Variants in IFT80 observed in about 807,000 individuals in gnomAD.
The protein encoded by IFT80 is intraflagellar transport protein 80 homolog.
In IFT80, 79 loss-of-function variants were observed where a neutral mutation model predicts 107.9. That is an observed-to-expected ratio of 0.73 (90% CI 0.61 to 0.88). The LOEUF is 0.88. IFT80 is among the 40% of genes least tolerant of loss of function. IFT80 has a pLI of 0.00. For missense variants in IFT80, 797 were observed against 914.2 expected, an observed-to-expected ratio of 0.87 and a Z score of 1.65; for synonymous variants, 299 against 300.9, an observed-to-expected ratio of 0.99 and a Z score of 0.07.
rs886058125 is a variant in IFT80, at chr3:160,257,681, C to A, written c.*844G>T. On this transcript the variant is annotated 3_prime_UTR_variant, in exon 20 of 20. Transcript: ENST00000326448. The stretch of plus-strand genomic sequence containing the variant: ...CATTAACATTCAAAATGTTGAGCAA[C>A]CATCATCGCTATCCATTTCCAGAAT... 1.3e-5 allele frequency: 2 copies of A among 152,110 alleles called. No individual in the cohort carries two copies. Among genetic ancestry groups the A allele is most frequent in the Non-Finnish European group, 2.9e-5 (2 of 68,024 alleles). 9.4% of individuals were successfully genotyped at this position (152,110 alleles called of 1,614,324 possible).
intron 3 of IFT80, among the ~76,000 whole-genome samples, chr3:160,381,232 A>G (rs1259751433): frequency 2.4e-5 from 3 of 126,994 alleles, no homozygotes; most frequent in Non-Finnish European, 5.0e-5. Context: ...GTGAGACCCC[A>G]TCTCTAAATA....
At chr3:160,391,236 A>G (rs998673702) in intron 1 of IFT80, among the ~76,000 whole-genome samples, 2 of 151,938 alleles carry the variant, frequency 1.3e-5, no homozygotes, top group Non-Finnish European at 2.9e-5. Flanking sequence ...TCCCAAGAAC[A>G]CTCCTGGGCT....
intron 19 of IFT80, among the ~76,000 whole-genome samples, chr3:160,259,570 GACTGGGAAAC>G (rs1322776475): frequency 6.6e-6 from 1 of 152,198 alleles, no homozygotes; most frequent in African/African-American, 2.4e-5. Flanking sequence ...GGGAAAGCAA[GACTGGGAAAC>G]ACATGAAAAG....
intron 12 of IFT80, among the ~76,000 whole-genome samples, chr3:160,295,892 G>A (rs142429197): frequency 1.1e-4 from 16 of 152,302 alleles, no homozygotes; most frequent in Non-Finnish European, 2.2e-4. Context: ...TGAAAAGCTA[G>A]TCACAGAAGA....
chr3:160,380,760 T>C (rs748263620), intron 3 of IFT80, among the ~76,000 whole-genome samples: 1 of 152,168 alleles, frequency 6.6e-6, no homozygotes, highest in Non-Finnish European at 1.5e-5. Flanking sequence ...GGTCAAATTA[T>C]AAAACTCTTC....
chr3:160,262,424 A>T (rs1293409236), intron 19 of IFT80, among the ~76,000 whole-genome samples: 1 of 152,120 alleles, frequency 6.6e-6, no homozygotes, highest in African/African-American at 2.4e-5. Context: ...TGGCCCAAAC[A>T]TGGCTCACCG....
chr3:160,337,253 C>T (rs568307690), intron 8 of IFT80, among the ~76,000 whole-genome samples: 17 of 152,266 alleles, frequency 1.1e-4, no homozygotes, highest in African/African-American at 3.9e-4. Flanking sequence ...ATTCTCTAGT[C>T]GATTCCTCAA....
At chr3:160,310,148 C>G (rs1012106081) in intron 9 of IFT80, among the ~76,000 whole-genome samples, 1 of 152,126 alleles carries the variant, frequency 6.6e-6, no homozygotes, top group African/African-American at 2.4e-5. Context: ...CCAAAAGGAG[C>G]AAGGCCCTCA....
Position 160,312,749 on chromosome 3 carries a change from AAT to A in IFT80, c.958-4970_958-4969del, listed in dbSNP as rs1177860013. Among the ~76,000 whole-genome samples the A allele has an allele frequency of 3.8e-3, 162 of 43,062 alleles. 6 individuals carry two copies. Among genetic ancestry groups the A allele is most frequent in the African/African-American group, 0.015 (139 of 9,470 alleles). 28.3% of individuals were successfully genotyped at this position (43,062 alleles called of 152,430 possible). On this transcript the variant is annotated intron_variant, in intron 9 of 19. Coordinates refer to ENST00000326448, the MANE Select transcript of IFT80 (RefSeq NM_020800.3). ...AAATATATATTATATATAAATATAT[AAT>A]ATATATATAAATGTATATTATATAT...
At chr3:160,339,614 T>C (rs1160161056) in intron 8 of IFT80, among the ~76,000 whole-genome samples, 1 of 152,128 alleles carries the variant, frequency 6.6e-6, no homozygotes, top group African/African-American at 2.4e-5. Flanking sequence ...GGCTACAGAA[T>C]ATGAAAAAGT....
In IFT80 at chr3:160,258,544, C is replaced by T. The variant is rs753432406; in HGVS notation, c.2315G>A (p.Ser772Asn). The change falls in exon 20 of 20, where the codon AGT becomes AAT. Residue 772 changes from serine to asparagine, a missense_variant. Transcript: ENST00000326448. ...EQSSSSQSSK[S>N]IGLKP ...TGGCATTTAGGGCTTTAAACCTATACTCTTGCTGGATTGGCTGCTTGATGA... is the reference window on the plus strand; with the variant it reads ...TGGCATTTAGGGCTTTAAACCTATATTCTTGCTGGATTGGCTGCTTGATGA... 4.3e-6 allele frequency: 7 copies of T among 1,613,674 alleles called. No homozygotes were observed. The highest frequency in any genetic ancestry group is 5.9e-6 in the Non-Finnish European group (7 of 1,179,950).
At chr3:160,387,170 G>A (rs897245129) in intron 1 of IFT80, among the ~76,000 whole-genome samples, 1 of 152,348 alleles carries the variant, frequency 6.6e-6, no homozygotes, top group South Asian at 2.1e-4. Context: ...AATATATTTT[G>A]AGGAAAGATT....
chr3:160,278,743 A>G (rs994763724), intron 16 of IFT80, among the ~76,000 whole-genome samples: 4 of 152,226 alleles, frequency 2.6e-5, no homozygotes, highest in Admixed American at 2.6e-4. Context: ...ACTGATGTTC[A>G]ATAAAAAAGG....
At chr3:160,293,611 G>A (rs1464196016) in intron 12 of IFT80, among the ~76,000 whole-genome samples, 1 of 152,106 alleles carries the variant, frequency 6.6e-6, no homozygotes, top group South Asian at 2.1e-4. Flanking sequence ...TTTGTCCTGG[G>A]CTCCTGGCAG....
At chr3:160,263,331 C>T (rs911699510) in intron 19 of IFT80, among the ~76,000 whole-genome samples, 3 of 152,188 alleles carry the variant, frequency 2.0e-5, no homozygotes, top group African/African-American at 2.4e-5. Context: ...AACTAGTCTC[C>T]TACTCACCAC....
At chr3:160,312,852 TATAAATATATAATATATA>T in intron 9 of IFT80, among the ~76,000 whole-genome samples, 1 of 39,810 alleles carries the variant, frequency 2.5e-5, no homozygotes, top group Non-Finnish European at 4.4e-5. Context: ...GTATATTATA[TATAAATATATAATATATA>T]ATAAATATAT....
intron 6 of IFT80, among the ~76,000 whole-genome samples, chr3:160,359,538 G>T (rs1171192239): frequency 6.6e-6 from 1 of 152,152 alleles, no homozygotes; most frequent in Admixed American, 6.5e-5. Flanking sequence ...TCCTCAAGTG[G>T]GTCCTTGACC....
intron 8 of IFT80, chr3:160,343,059 A>G (rs984814465): frequency 2.6e-5 from 4 of 152,210 alleles, no homozygotes; most frequent in African/African-American, 9.6e-5. Context: ...TCTTGGGGGG[A>G]AAAAAAGCAT....
intron 11 of IFT80, among the ~76,000 whole-genome samples, chr3:160,303,212 T>C (rs900706533): frequency 3.9e-5 from 6 of 152,206 alleles, no homozygotes; most frequent in Non-Finnish European, 7.4e-5. Flanking sequence ...ATTTTCATAA[T>C]TTTTAACAAG....
Sources: allele counts gnomAD v4.1 joint callset (sites outside exome capture counted in the v4.1 genomes callset), GRCh38; gene constraint gnomAD v4.1.1; transcripts MANE v1.5; gene names NCBI Gene and HGNC (gene_info 2026-07-23, HGNC 2026-07-21).